Variants in SMARCAD1 observed in about 807,000 individuals in gnomAD.
The protein encoded by SMARCAD1 is SWI/SNF-related matrix-associated actin-dependent regulator of chromatin subfamily A containing DEAD/H box 1.
Under a neutral mutation model 127.1 loss-of-function variants are expected in SMARCAD1, and 25 were observed. That is an observed-to-expected ratio of 0.20 (90% CI 0.14 to 0.27). The LOEUF (loss-of-function observed/expected upper bound fraction) is 0.27, where lower values mean the gene tolerates loss of function less well. Among genes scored for constraint, SMARCAD1 ranks in the 10% least tolerant of loss-of-function variants. SMARCAD1 has a pLI of 1.00. For missense variants in SMARCAD1, 807 were observed against 1,206.0 expected (o/e 0.67, Z 4.90); for synonymous variants, 400 against 396.9 (o/e 1.01, Z -0.09).
intron 22 of SMARCAD1, among the ~76,000 whole-genome samples, chr4:94,284,354 GAAA>G (rs34876183): frequency 9.7e-6 from 1 of 102,836 alleles, no homozygotes; most frequent in Non-Finnish European, 1.9e-5. Flanking sequence ...AAAAAAAAAA[GAAA>G]AAAGTAATTT....
chr4:94,223,123 A>T lies in SMARCAD1; in HGVS notation c.191-2996A>T, dbSNP rs868331590. Among the ~76,000 whole-genome samples the T allele has an allele frequency of 3.3e-5, 5 of 152,268 alleles. No individual in the cohort carries two copies. The Middle Eastern group carries it at 0.01, about 311-fold the overall frequency. On this transcript the variant is annotated intron_variant, in intron 2 of 23. Coordinates refer to ENST00000354268, the MANE Select transcript of SMARCAD1 (RefSeq NM_020159.5). ...TAATTAAATTTTTAGACCCCCCTAC[A>T]GGTGAAAAGATTATTCTTCATTTTT...
intron 19 of SMARCAD1, among the ~76,000 whole-genome samples, 169 bp downstream of exon 19, chr4:94,279,219 T>C (rs1236241701): frequency 6.6e-6 from 1 of 152,170 alleles, no homozygotes; most frequent in East Asian, 1.9e-4. Flanking sequence ...CAGTCTGGGC[T>C]CACTGCAACT....
At chr4:94,246,481 T>G (rs1748441589) in intron 6 of SMARCAD1, among the ~76,000 whole-genome samples, 1 of 152,116 alleles carries the variant, frequency 6.6e-6, no homozygotes, top group Admixed American at 6.6e-5. Flanking sequence ...CCTAATGAAG[T>G]ATATCTTGCC....
At chr4:94,270,622 G>GA in intron 10 of SMARCAD1, 106 bp from the exon 11 acceptor site, 3 of 881,570 alleles carry the variant, frequency 3.4e-6, no homozygotes, top group Non-Finnish European at 5.7e-6. Flanking sequence ...ACAGTTAAAA[G>GA]GTAAGATTAG....
intron 6 of SMARCAD1, among the ~76,000 whole-genome samples, chr4:94,242,264 C>CG (rs1390020129): frequency 3.3e-5 from 5 of 151,762 alleles, no homozygotes; most frequent in Admixed American, 2.0e-4. Flanking sequence ...AGGCTGGTCT[C>CG]GAACTCCTGA....
chr4:94,208,706 C>T (rs961043245), intron 2 of SMARCAD1, 122 bp downstream of exon 2: 3 of 963,610 alleles, frequency 3.1e-6, no homozygotes, highest in African/African-American at 3.3e-5. Flanking sequence ...TGCGGTGTGC[C>T]CTTTTAAATA....
intron 9 of SMARCAD1, among the ~76,000 whole-genome samples, chr4:94,259,561 A>G (rs1218541093): frequency 1.8e-4 from 28 of 152,212 alleles, no homozygotes; most frequent in Admixed American, 1.8e-3. Flanking sequence ...TGAAATTTCA[A>G]CTTCAAAATA....
At chr4:94,269,180 G>C (rs1752170709) in intron 10 of SMARCAD1, among the ~76,000 whole-genome samples, 1 of 152,144 alleles carries the variant, frequency 6.6e-6, no homozygotes, top group Non-Finnish European at 1.5e-5. Context: ...TCTGATTTAA[G>C]ATGGACATCA....
At chr4:94,241,928 T>C (rs937437812) in intron 6 of SMARCAD1, among the ~76,000 whole-genome samples, 10 of 152,194 alleles carry the variant, frequency 6.6e-5, no homozygotes, top group African/African-American at 2.4e-4. Flanking sequence ...GATGATCTTG[T>C]ATACCTGATC....
chr4:94,246,026 A>C (rs1034231076), intron 6 of SMARCAD1, among the ~76,000 whole-genome samples: 5 of 152,080 alleles, frequency 3.3e-5, no homozygotes, highest in African/African-American at 1.2e-4. Flanking sequence ...TCTGCTGGTC[A>C]CGAAACCCAA....
chr4:94,286,939 A>G (rs989122376), intron 23 of SMARCAD1, among the ~76,000 whole-genome samples: 3 of 152,046 alleles, frequency 2.0e-5, no homozygotes, highest in African/African-American at 4.8e-5. Context: ...ATCTCCGCGC[A>G]CTGCAAGCTC....
intron 6 of SMARCAD1, among the ~76,000 whole-genome samples, chr4:94,247,616 C>T (rs920953078): frequency 1.3e-5 from 2 of 152,106 alleles, no homozygotes; most frequent in African/African-American, 4.8e-5. Flanking sequence ...ACCATCATTC[C>T]TGTCTAGTTC....
chr4:94,247,874 A>T (rs927832402), intron 6 of SMARCAD1, among the ~76,000 whole-genome samples: 11 of 152,166 alleles, frequency 7.2e-5, no homozygotes, highest in African/African-American at 2.7e-4. Flanking sequence ...GAATTGGGGT[A>T]CATGTGCAAG....
intron 6 of SMARCAD1, among the ~76,000 whole-genome samples, chr4:94,249,191 T>G (rs1044768556): frequency 2.6e-5 from 4 of 152,158 alleles, no homozygotes; most frequent in Non-Finnish European, 5.9e-5. Flanking sequence ...ACTGAACAAT[T>G]AATATTTAAG....
At chr4:94,238,312 G>A (rs1337278613) in intron 5 of SMARCAD1, among the ~76,000 whole-genome samples, 1 of 152,100 alleles carries the variant, frequency 6.6e-6, no homozygotes, top group Non-Finnish European at 1.5e-5. Context: ...GAGCAGTGTT[G>A]CTTGACTCTT....
intron 21 of SMARCAD1, among the ~76,000 whole-genome samples, chr4:94,282,110 T>G (rs867889077): frequency 2.0e-5 from 2 of 100,296 alleles, no homozygotes; most frequent in African/African-American, 6.8e-5. Context: ...GTTTTTTTTT[T>G]TTTTTTTGAG....
At chr4:94,269,289 C>T (rs1312156649) in intron 10 of SMARCAD1, among the ~76,000 whole-genome samples, 1 of 152,112 alleles carries the variant, frequency 6.6e-6, no homozygotes, top group East Asian at 1.9e-4. Flanking sequence ...AGACCCTTCC[C>T]TGTGTGCAAA....
chr4:94,249,681 T>C lies in SMARCAD1; in HGVS notation c.733T>C (p.Ser245Pro). 6.2e-7 allele frequency: 1 copy of C among 1,607,264 alleles called. No homozygotes were observed. Among genetic ancestry groups the C allele is most frequent in the Non-Finnish European group, 8.5e-7 (1 of 1,174,124 alleles). ...AGAGGAATCAAATGAGTCTGCAGAA[T>C]CTAGCAGTAATTGGGAAAAGCAGGA... ...HGEESNESAESSSNWEKQESI... is the reference protein window; with the variant it reads ...HGEESNESAEPSSNWEKQESI... Residue 245 changes from serine (S) to proline (P), a missense_variant, in exon 7 of 24, where the codon TCT (serine) becomes CCT (proline). By Grantham distance (74) the Ser-to-Pro change is moderately conservative. Coordinates refer to ENST00000354268, the MANE Select transcript of SMARCAD1 (RefSeq NM_020159.5).
intron 3 of SMARCAD1, among the ~76,000 whole-genome samples, chr4:94,227,826 C>CA (rs1175120348): frequency 2.0e-5 from 3 of 152,156 alleles, no homozygotes; most frequent in South Asian, 2.1e-4. Context: ...TACTAGGTGA[C>CA]AGAGTATTGG....
Sources: gnomAD v4.1 joint callset for allele counts (sites outside exome capture counted in the v4.1 genomes callset) on GRCh38, gnomAD v4.1.1 for gene constraint, MANE v1.5 for transcripts, NCBI Gene and HGNC (gene_info 2026-07-23, HGNC 2026-07-21) for gene names.